The following ATP8A2 variants were observed in gnomAD, a reference collection of about 807,000 sequenced individuals.
The protein encoded by ATP8A2 is ATPase phospholipid transporting 8A2.
Under a neutral mutation model 165.6 loss-of-function variants are expected in ATP8A2, and 100 were observed. The observed-to-expected ratio is 0.60, with a 90% confidence interval of 0.51 to 0.71. ATP8A2 has a LOEUF of 0.71. Ranked by LOEUF, ATP8A2 falls within the 30% of genes least tolerant of loss-of-function variation. The pLI is 0.00. For missense variants in ATP8A2, 1,227 were observed against 1,479.5 expected (o/e 0.83, Z 2.80); for synonymous variants, 543 against 548.8 (o/e 0.99, Z 0.15).
chr13:25,524,434 T>C (rs1411845896), intron 2 of ATP8A2, among the ~76,000 whole-genome samples: 1 of 152,170 alleles, frequency 6.6e-6, no homozygotes, highest in African/African-American at 2.4e-5. Flanking sequence ...GTCTAGATGA[T>C]CTGTCCATTA....
chr13:25,920,355 C>T (rs2139027462), intron 33 of ATP8A2, among the ~76,000 whole-genome samples: 1 of 152,276 alleles, frequency 6.6e-6, no homozygotes, highest in African/African-American at 2.4e-5. Flanking sequence ...TGGTGCTGGA[C>T]TCAGTGACCC....
intron 1 of ATP8A2, among the ~76,000 whole-genome samples, chr13:25,375,718 TC>T (rs2032599475): frequency 6.6e-6 from 1 of 151,646 alleles, no homozygotes; most frequent in Non-Finnish European, 1.5e-5. Context: ...GATTATAGGC[TC>T]CCACCACCAC....
chr13:25,729,228 C>T (rs2043561696), intron 25 of ATP8A2, among the ~76,000 whole-genome samples: 2 of 152,196 alleles, frequency 1.3e-5, no homozygotes, highest in Non-Finnish European at 2.9e-5. Flanking sequence ...TTTAGGACTA[C>T]AGGCTAAGCA....
At chr13:25,702,344 A>T (rs1312727826) in intron 25 of ATP8A2, among the ~76,000 whole-genome samples, 1 of 152,150 alleles carries the variant, frequency 6.6e-6, no homozygotes, top group East Asian at 1.9e-4. Flanking sequence ...GGAATGCAAG[A>T]ATTTATTAAA....
chr13:25,400,675 T>G (rs2138015615), intron 1 of ATP8A2, among the ~76,000 whole-genome samples: 1 of 152,336 alleles, frequency 6.6e-6, no homozygotes, highest in East Asian at 1.9e-4. Context: ...CAGTAATACA[T>G]AGGGTGGGTA....
chr13:25,562,215 G>GC (rs1232769095), intron 15 of ATP8A2, among the ~76,000 whole-genome samples: 2 of 152,160 alleles, frequency 1.3e-5, no homozygotes, highest in East Asian at 3.8e-4. Flanking sequence ...CCATAGCAGA[G>GC]CCACCATTTG....
At chr13:25,457,724 A>G (rs939260055) in intron 1 of ATP8A2, among the ~76,000 whole-genome samples, 5 of 152,240 alleles carry the variant, frequency 3.3e-5, no homozygotes, top group African/African-American at 7.2e-5. Flanking sequence ...AGATGATTGC[A>G]TATGCATCTC....
At position 25,469,061 on chromosome 13, in the gene ATP8A2, C is replaced by T. The variant is rs2035760176; in HGVS notation, c.161C>T (p.Pro54Leu). The T allele has an allele frequency of 6.2e-7, 1 of 1,614,074 alleles. No individual in the cohort carries two copies. Among genetic ancestry groups the T allele is most frequent in the Non-Finnish European group, 8.5e-7 (1 of 1,179,910 alleles). ...TCTGTTGGAGACCAGCTGGAGGCAC[C>T]CGCCCGCACCATTTACCTCAACCAA... is the stretch of plus-strand genomic sequence containing the variant. ...ATSVGDQLEA[P>L]ARTIYLNQPH... Residue 54 changes from proline (P) to leucine (L), a missense_variant, in exon 2 of 37, where the codon CCC (proline) becomes CTC (leucine). By Grantham distance (98) the Pro-to-Leu change is moderately conservative. Transcript: ENST00000381655.
chr13:25,837,564 C>T (rs76794052), intron 29 of ATP8A2, among the ~76,000 whole-genome samples: 1,672 of 152,106 alleles, frequency 0.011, 28 homozygotes, highest in African/African-American at 0.038. Context: ...GACTCCTTCC[C>T]GCTTCTCCCC....
intron 35 of ATP8A2, among the ~76,000 whole-genome samples, chr13:25,979,412 G>A (rs568013239): frequency 6.6e-6 from 1 of 152,316 alleles, no homozygotes; most frequent in East Asian, 1.9e-4. Flanking sequence ...GTGAATGACT[G>A]TCACAGAGCC....
chr13:25,693,246 A>AT (rs2042765419), intron 24 of ATP8A2, among the ~76,000 whole-genome samples: 1 of 152,212 alleles, frequency 6.6e-6, no homozygotes, highest in South Asian at 2.1e-4. Context: ...ATCATAGTCC[A>AT]TTTGAGAATA....
chr13:25,976,764 G>A (rs2139237642), intron 35 of ATP8A2, among the ~76,000 whole-genome samples: 1 of 151,974 alleles, frequency 6.6e-6, no homozygotes, highest in South Asian at 2.1e-4. Context: ...GGAAAAGAGT[G>A]TGTGAAAGCG....
At chr13:25,898,375 GTTC>G (rs1445697872) in intron 33 of ATP8A2, among the ~76,000 whole-genome samples, 3 of 152,218 alleles carry the variant, frequency 2.0e-5, no homozygotes, top group Non-Finnish European at 4.4e-5. Context: ...CTGTCTGATT[GTTC>G]TTCTGGAAGT....
chr13:25,659,608 G>A lies in ATP8A2; in HGVS notation c.2212-39565G>A, dbSNP rs1363345433. Among the ~76,000 whole-genome samples the A allele has an allele frequency of 2.0e-5, 3 of 152,192 alleles. No homozygotes were observed. The South Asian group carries it at 6.2e-4, about 32-fold the overall frequency. On this transcript the variant is annotated intron_variant, in intron 24 of 36. Transcript: ENST00000381655. Reference sequence around the variant, plus strand: ...ATAAGTGGGAAATCCAGTTCGGTAGGCTTTTCCCAAAAGCGAGAGAAAAGC... The same window carrying A: ...ATAAGTGGGAAATCCAGTTCGGTAGACTTTTCCCAAAAGCGAGAGAAAAGC...
intron 25 of ATP8A2, among the ~76,000 whole-genome samples, chr13:25,735,582 G>GAA (rs55780036): frequency 1.9e-4 from 28 of 151,032 alleles, no homozygotes; most frequent in South Asian, 1.3e-3. Flanking sequence ...TCTTATGTTA[G>GAA]AAAAAAAAAC....
Position 25,699,319 on chromosome 13 carries a change from C to A in ATP8A2, c.2358C>A (p.Leu786=). The A allele has an allele frequency of 1.2e-6, 2 of 1,613,302 alleles. No homozygotes were observed. ...GGAGGAGTTTCCTGGATTTGGCACT[C>A]TCGTGCAAAGCGGTCATATGCTGCA... ...EVRRSFLDLA[L]SCKAVICCRV... The change falls in exon 25 of 37, where the codon CTC becomes CTA. Residue 786 remains leucine, a synonymous_variant. Coordinates refer to ENST00000381655, the MANE Select transcript of ATP8A2 (RefSeq NM_016529.6).
chr13:25,465,708 T>C (rs1271605838), intron 1 of ATP8A2, among the ~76,000 whole-genome samples: 3 of 23,418 alleles, frequency 1.3e-4, no homozygotes, highest in Admixed American at 1.3e-3. Flanking sequence ...TCTTTCTTTC[T>C]TTCTTTCTTT....
intron 2 of ATP8A2, among the ~76,000 whole-genome samples, chr13:25,501,995 C>T (rs1397985063): frequency 2.0e-5 from 3 of 152,212 alleles, no homozygotes; most frequent in African/African-American, 7.2e-5. Flanking sequence ...CCTTTAATTA[C>T]AGGCTGGGGA....
intron 35 of ATP8A2, among the ~76,000 whole-genome samples, chr13:25,984,597 C>A (rs1431645826): frequency 7.3e-5 from 10 of 136,140 alleles, no homozygotes; most frequent in African/African-American, 1.1e-4. Flanking sequence ...GACTTTGTCT[C>A]AAAAAAAAAA....
Sources: allele counts gnomAD v4.1 joint callset (sites outside exome capture counted in the v4.1 genomes callset), GRCh38; gene constraint gnomAD v4.1.1; transcripts MANE v1.5; gene names NCBI Gene and HGNC (gene_info 2026-07-23, HGNC 2026-07-21).